The following TAFA5 variants were observed in gnomAD, a reference collection of about 807,000 sequenced individuals.
TAFA5 encodes the protein chemokine-like protein TAFA-5.
TAFA5 carries 6 observed loss-of-function variants against 15.3 expected under a neutral mutation model. The ratio of observed to expected loss-of-function variants is 0.39; its 90% CI spans 0.21 to 0.77. The LOEUF is 0.77. Ranked by LOEUF, TAFA5 falls within the 30% of genes least tolerant of loss-of-function variation. The probability of loss-of-function intolerance (pLI) is 0.41; values close to 1 mark genes in which losing one functional copy is unlikely to be tolerated. For missense variants in TAFA5, 161 were observed against 193.1 expected, an observed-to-expected ratio of 0.83 and a Z score of 0.98; for synonymous variants, 103 against 80.7, an observed-to-expected ratio of 1.28 and a Z score of -1.48.
intron 1 of TAFA5, among the ~76,000 whole-genome samples, chr22:48,495,196 G>A (rs1415090536): frequency 1.3e-5 from 2 of 152,222 alleles, no homozygotes; most frequent in African/African-American, 4.8e-5. Context: ...CTGCTCGAAG[G>A]AGGCAGGAGT....
intron 3 of TAFA5, among the ~76,000 whole-genome samples, chr22:48,708,450 G>A (rs1394510427): frequency 2.6e-5 from 4 of 152,210 alleles, no homozygotes; most frequent in East Asian, 1.9e-4. Context: ...TCCCAAGGGC[G>A]GGAGCTTGGG....
chr22:48,589,110 T>C (rs1924466448), intron 1 of TAFA5, among the ~76,000 whole-genome samples: 2 of 152,218 alleles, frequency 1.3e-5, no homozygotes, highest in Admixed American at 6.5e-5. Flanking sequence ...AGGGAATGCC[T>C]GCACAGTGAC....
chr22:48,614,149 T>C (rs906676436), intron 1 of TAFA5, among the ~76,000 whole-genome samples: 11 of 152,178 alleles, frequency 7.2e-5, no homozygotes, highest in Admixed American at 2.0e-4. Context: ...TGGGCCCCTG[T>C]CTGGGGCCCC....
chr22:48,553,783 C>T (rs1029653683), intron 1 of TAFA5, among the ~76,000 whole-genome samples: 12 of 152,196 alleles, frequency 7.9e-5, no homozygotes, highest in African/African-American at 2.2e-4. Flanking sequence ...GCCCGGTCCT[C>T]GTCTGTTCAG....
chr22:48,582,364 G>GTACCACACACAAAATACACCACA (rs1569034114), intron 1 of TAFA5, among the ~76,000 whole-genome samples: 16 of 60,172 alleles, frequency 2.7e-4, no homozygotes, highest in South Asian at 5.1e-4. Flanking sequence ...AATACACCAC[G>GTACCACACACAAAATACACCACA]TACCACACAC....
chr22:48,710,474 C>T (rs777812375), intron 3 of TAFA5, among the ~76,000 whole-genome samples: 5 of 152,196 alleles, frequency 3.3e-5, no homozygotes, highest in African/African-American at 9.7e-5. Flanking sequence ...CATCAGGGAC[C>T]CCTTCACCCA....
At chr22:48,663,681 G>A (rs1927520490) in intron 2 of TAFA5, among the ~76,000 whole-genome samples, 1 of 152,196 alleles carries the variant, frequency 6.6e-6, no homozygotes, top group African/African-American at 2.4e-5. Context: ...ATTCTGAGTA[G>A]CATGACAAAA....
At chr22:48,506,927 G>T (rs1921011970) in intron 1 of TAFA5, among the ~76,000 whole-genome samples, 1 of 152,232 alleles carries the variant, frequency 6.6e-6, no homozygotes, top group South Asian at 2.1e-4. Context: ...TTCCACAGGT[G>T]ATTTGGAGCC....
At chr22:48,580,603 C>T (rs1168318306) in intron 1 of TAFA5, among the ~76,000 whole-genome samples, 2 of 152,168 alleles carry the variant, frequency 1.3e-5, no homozygotes, top group Non-Finnish European at 2.9e-5. Context: ...GGGCTCGAGG[C>T]TGCACCGGGC....
At chr22:48,610,390 G>A (rs1925355596) in intron 1 of TAFA5, among the ~76,000 whole-genome samples, 2 of 152,252 alleles carry the variant, frequency 1.3e-5, no homozygotes, top group South Asian at 2.1e-4. Flanking sequence ...CGAGGTCCTC[G>A]CCTTGCGCCC....
intron 1 of TAFA5, among the ~76,000 whole-genome samples, chr22:48,520,373 C>T (rs1242301278): frequency 6.6e-6 from 1 of 152,250 alleles, no homozygotes; most frequent in East Asian, 1.9e-4. Context: ...TGCTTCCATC[C>T]TTCTGTCCAT....
chr22:48,539,744 G>A (rs1017348895), intron 1 of TAFA5, among the ~76,000 whole-genome samples: 1 of 152,140 alleles, frequency 6.6e-6, no homozygotes, highest in Non-Finnish European at 1.5e-5. Context: ...TTCAGGAGAG[G>A]GCTTAATAGC....
intron 1 of TAFA5, chr22:48,546,710 C>T (rs1430647131): frequency 2.4e-6 from 1 of 422,006 alleles, no homozygotes; most frequent in Non-Finnish European, 4.9e-6. Context: ...CCTCCAGGTG[C>T]CCAGCACTCA....
intron 1 of TAFA5, among the ~76,000 whole-genome samples, chr22:48,609,591 C>T (rs1925323377): frequency 6.6e-6 from 1 of 152,296 alleles, no homozygotes; most frequent in South Asian, 2.1e-4. Context: ...CGGGGCCGCC[C>T]CCGTTTCTCC....
intron 1 of TAFA5, among the ~76,000 whole-genome samples, chr22:48,531,198 C>A (rs534738118): frequency 6.6e-6 from 1 of 152,250 alleles, no homozygotes; most frequent in South Asian, 2.1e-4. Flanking sequence ...CCTGGCCAAC[C>A]CTTTCGGCCT....
chr22:48,642,586 C>T (rs1926722087), intron 1 of TAFA5, among the ~76,000 whole-genome samples: 1 of 152,166 alleles, frequency 6.6e-6, no homozygotes, highest in Non-Finnish European at 1.5e-5. Flanking sequence ...CCGGCCTGGA[C>T]CCCTCCCCAA....
Position 48,490,946 on chromosome 22 carries a change from C to G in TAFA5, c.112+1242C>G, listed in dbSNP as rs185028306. Among the ~76,000 whole-genome samples, 183 of 152,290 alleles carry G rather than the reference C, an allele frequency of 1.2e-3. 1 individual carries two copies. Among genetic ancestry groups the G allele is most frequent in the African/African-American group, 4.0e-3 (168 of 41,570 alleles). On this transcript the variant is annotated intron_variant, in intron 1 of 3. Transcript: ENST00000402357. The surrounding 1 kb of genome is among the most constrained non-coding windows in gnomAD (Gnocchi z 5.8). ...CAGCCGCGGGATCGGCCTCCGGAGT[C>G]CTGGGACAGCCCAGCTCGCCAGGAT...
chr22:48,559,462 C>T (rs973561076), intron 1 of TAFA5, among the ~76,000 whole-genome samples: 2 of 152,116 alleles, frequency 1.3e-5, no homozygotes, highest in Non-Finnish European at 2.9e-5. Context: ...TGCGGGGTCC[C>T]CTGCCCCACA....
intron 1 of TAFA5, among the ~76,000 whole-genome samples, chr22:48,527,154 T>C (rs1290057142): frequency 2.6e-5 from 4 of 152,230 alleles, no homozygotes; most frequent in Admixed American, 2.0e-4. Flanking sequence ...GACCAGGCCA[T>C]GTGGTTCACC....
Sources: allele counts gnomAD v4.1 joint callset (sites outside exome capture counted in the v4.1 genomes callset), GRCh38; gene constraint gnomAD v4.1.1; non-coding constraint Gnocchi (gnomAD v3.1); transcripts MANE v1.5; gene names NCBI Gene and HGNC (gene_info 2026-07-23, HGNC 2026-07-21).